Variants in PKNOX2 observed in about 807,000 individuals in gnomAD.
PKNOX2 encodes the protein PBX/knotted 1 homeobox 2, also known as homeobox protein PKNOX2.
A neutral mutation model predicts 53.1 loss-of-function variants in PKNOX2; 14 were observed. The ratio of observed to expected loss-of-function variants is 0.26; its 90% confidence interval spans 0.17 to 0.41. The LOEUF (loss-of-function observed/expected upper bound fraction) is 0.41, where lower values mean the gene tolerates loss of function less well. Ranked by LOEUF, PKNOX2 falls within the 10% of genes least tolerant of loss-of-function variation. The probability of loss-of-function intolerance (pLI) is 1.00; values close to 1 mark genes in which losing one functional copy is unlikely to be tolerated. For synonymous variants in PKNOX2, 257 were observed against 242.8 expected (o/e 1.06, Z -0.54); for missense variants, 496 against 602.8 (o/e 0.82, Z 1.85).
intron 2 of PKNOX2, among the ~76,000 whole-genome samples, chr11:125,292,302 G>T (rs1947356322): frequency 6.6e-6 from 1 of 152,200 alleles, no homozygotes; most frequent in Middle Eastern, 3.2e-3. Context: ...TCTGGGGCTT[G>T]TGCCCCTGAC....
intron 2 of PKNOX2, among the ~76,000 whole-genome samples, chr11:125,280,153 C>T (rs370138504): frequency 5.5e-5 from 8 of 144,958 alleles, no homozygotes; most frequent in Admixed American, 3.5e-4. Flanking sequence ...TCTGAAATGG[C>T]GACTCTGTTT....
chr11:125,219,477 T>C (rs2135489723), intron 1 of PKNOX2, among the ~76,000 whole-genome samples: 1 of 148,706 alleles, frequency 6.7e-6, no homozygotes, highest in African/African-American at 2.5e-5. Flanking sequence ...TAAGAGAAAA[T>C]GACAACCTGT....
At chr11:125,256,585 C>T (rs1047351173) in intron 2 of PKNOX2, among the ~76,000 whole-genome samples, 9 of 152,196 alleles carry the variant, frequency 5.9e-5, no homozygotes, top group Non-Finnish European at 1.2e-4. Flanking sequence ...GCCCCAGGTA[C>T]ACACTTATCT....
chr11:125,416,321 A>G (rs1465378024), intron 10 of PKNOX2, among the ~76,000 whole-genome samples: 7 of 150,906 alleles, frequency 4.6e-5, no homozygotes, highest in Non-Finnish European at 1.0e-4. Flanking sequence ...AAAAAAAAAA[A>G]AAAAAAGAAA....
At chr11:125,374,892 G>T (rs1433585629) in intron 5 of PKNOX2, among the ~76,000 whole-genome samples, 1 of 140,434 alleles carries the variant, frequency 7.1e-6, no homozygotes, top group African/African-American at 2.6e-5. Flanking sequence ...CTTACAAGAA[G>T]GAAGACAACC....
At chr11:125,275,537 G>C (rs1273281256) in intron 2 of PKNOX2, among the ~76,000 whole-genome samples, 1 of 152,170 alleles carries the variant, frequency 6.6e-6, no homozygotes, top group African/African-American at 2.4e-5. Context: ...GGGAGTAAAG[G>C]GGGCTGGTGG....
At chr11:125,275,649 A>C (rs1275148644) in intron 2 of PKNOX2, among the ~76,000 whole-genome samples, 3 of 152,128 alleles carry the variant, frequency 2.0e-5, no homozygotes, top group Non-Finnish European at 2.9e-5. Flanking sequence ...TAGTTGAGGA[A>C]AGGAAGGAAC....
intron 2 of PKNOX2, chr11:125,287,920 A>T (rs1947013726): frequency 6.6e-6 from 1 of 152,162 alleles, no homozygotes; most frequent in Non-Finnish European, 1.5e-5. Context: ...GCCTGTCAGC[A>T]GGGCTTGGCT....
rs1952278467 is a variant in PKNOX2 at position 125,367,899 on chromosome 11, C to T, written c.141C>T (p.Ala47=). 6.2e-7 allele frequency: 1 copy of T among 1,613,758 alleles called. No homozygotes were observed. The highest frequency in any genetic ancestry group is 1.1e-5 in the South Asian group (1 of 91,042). The part of the protein sequence containing the change: ...PSKAQAVHIS[A]PSAAASTPVP... ...AGGCCCAGGCTGTCCACATCTCTGC[C>T]CCCTCAGCTGCTGCCAGCACACCTG... Residue 47 remains alanine, a synonymous_variant, in exon 5 of 13, where the codon GCC becomes GCT. Coordinates refer to ENST00000298282, the MANE Select transcript of PKNOX2 (RefSeq NM_001382323.2).
At chr11:125,264,360 C>A (rs1455746151) in intron 2 of PKNOX2, among the ~76,000 whole-genome samples, 2 of 152,184 alleles carry the variant, frequency 1.3e-5, no homozygotes, top group Non-Finnish European at 2.9e-5. Flanking sequence ...GAATGCAGCT[C>A]AGGCTATGGT....
At chr11:125,188,290 G>A (rs1490725990) in intron 1 of PKNOX2, 1 of 152,230 alleles carries the variant, frequency 6.6e-6, no homozygotes, top group Non-Finnish European at 1.5e-5. Context: ...ACCTCCCTGG[G>A]GGTGGGTTGG....
chr11:125,314,782 G>A (rs1019492547), intron 2 of PKNOX2, among the ~76,000 whole-genome samples: 1 of 152,084 alleles, frequency 6.6e-6, no homozygotes, highest in Non-Finnish European at 1.5e-5. Flanking sequence ...GAGATGTTCC[G>A]ATGAGGATGC....
At chr11:125,279,425 T>C (rs1157166053) in intron 2 of PKNOX2, among the ~76,000 whole-genome samples, 1 of 152,214 alleles carries the variant, frequency 6.6e-6, no homozygotes, top group African/African-American at 2.4e-5. Context: ...AGAAGTATTT[T>C]AATTCACTGG....
chr11:125,259,237 T>C (rs1944642472), intron 2 of PKNOX2: 1 of 152,440 alleles, frequency 6.6e-6, no homozygotes, highest in Admixed American at 6.5e-5. Flanking sequence ...GTTTTGCTTA[T>C]CTCTAAAATG....
At chr11:125,232,877 TTTTTGTTTTG>T (rs774983125) in intron 1 of PKNOX2, among the ~76,000 whole-genome samples, 6 of 152,064 alleles carry the variant, frequency 3.9e-5, no homozygotes, top group Non-Finnish European at 4.4e-5. Flanking sequence ...TTTGTTTTTG[TTTTTGTTTTG>T]TTTTGTTTTG....
chr11:125,274,666 G>A (rs1591508433), intron 2 of PKNOX2, among the ~76,000 whole-genome samples: 1 of 152,384 alleles, frequency 6.6e-6, no homozygotes, highest in East Asian at 1.9e-4. Flanking sequence ...GCTGGAGCAG[G>A]CCCAGGCCAG....
At chr11:125,348,118 G>A (rs1056509094) in intron 3 of PKNOX2, among the ~76,000 whole-genome samples, 2 of 152,210 alleles carry the variant, frequency 1.3e-5, no homozygotes, top group Non-Finnish European at 2.9e-5. Context: ...GACCCCCGCT[G>A]TGGCTCAAAG....
At chr11:125,351,478 GGGGCCGAC>G in intron 4 of PKNOX2, 86 bp downstream of exon 4, 1 of 857,408 alleles carries the variant, frequency 1.2e-6, no homozygotes, top group Non-Finnish European at 1.9e-6. Flanking sequence ...GGACATTCCA[GGGGCCGAC>G]GGGCAGAGCC....
At chr11:125,392,929 T>C (rs141991529) in intron 6 of PKNOX2, among the ~76,000 whole-genome samples, 12,970 of 151,686 alleles carry the variant, frequency 0.086, 979 homozygotes, top group African/African-American at 0.2. Flanking sequence ...GAGGCCAAGG[T>C]GGGCGGATCA....
Sources: gnomAD v4.1 joint callset for allele counts (sites outside exome capture counted in the v4.1 genomes callset) on GRCh38, gnomAD v4.1.1 for gene constraint, MANE v1.5 for transcripts, NCBI Gene and HGNC (gene_info 2026-07-23, HGNC 2026-07-21) for gene names.